The following AADACL4 variants were observed in gnomAD, a reference collection of about 807,000 sequenced individuals.
AADACL4 encodes arylacetamide deacetylase-like 4.
AADACL4 carries 9 observed loss-of-function variants against 14.1 expected under a neutral mutation model. The ratio of observed to expected loss-of-function variants is 0.64; its 90% CI spans 0.39 to 1.12. The LOEUF (loss-of-function observed/expected upper bound fraction) is 1.12. AADACL4 is among the 50% of genes most tolerant of loss of function. AADACL4 has a pLI of 0.01. For synonymous variants in AADACL4, 188 were observed against 201.6 expected (o/e 0.93, Z 0.57); for missense variants, 531 against 516.1 (o/e 1.03, Z -0.28).
At chr1:12,646,909 G>A (rs1422713892) in intron 1 of AADACL4, among the ~76,000 whole-genome samples, 1 of 152,108 alleles carries the variant, frequency 6.6e-6, no homozygotes, top group African/African-American at 2.4e-5. Flanking sequence ...CCAGAGGACA[G>A]ATAGACAACA....
In AADACL4 at chr1:12,666,396, G is replaced by T. The variant is rs756400315; in HGVS notation, c.885G>T (p.Lys295Asn). 3 of 1,614,006 alleles carry T rather than the reference G, an allele frequency of 1.9e-6. No homozygotes were observed. The highest frequency in any genetic ancestry group is 1.3e-5 in the African/African-American group (1 of 74,926). Reference sequence around the variant, plus strand: ...CTGACAACATCCCCAAGAAATTTAAGAACAGAGGCTACCAACCCTGGTCTC... The same window carrying T: ...CTGACAACATCCCCAAGAAATTTAATAACAGAGGCTACCAACCCTGGTCTC... ...LSPDNIPKKFKNRGYQPWSPG... is the reference protein window; with the variant it reads ...LSPDNIPKKFNNRGYQPWSPG... Residue 295 changes from lysine to asparagine, a missense_variant, in exon 4 of 4, where the codon AAG becomes AAT. Lys to Asn is a moderately conservative substitution (Grantham distance 94). Coordinates refer to ENST00000376221, the MANE Select transcript of AADACL4 (RefSeq NM_001013630.2).
chr1:12,645,613 G>A (rs1647106737), intron 1 of AADACL4, among the ~76,000 whole-genome samples: 1 of 152,106 alleles, frequency 6.6e-6, no homozygotes, highest in Admixed American at 6.5e-5. Context: ...TGCAATCATG[G>A]CTCAGTGCAG....
In AADACL4 at chr1:12,666,531, C is replaced by T; in HGVS notation, c.1020C>T (p.Phe340=). The change falls in exon 4 of 4, where the codon TTC becomes TTT. Residue 340 remains phenylalanine (F), a synonymous_variant. Coordinates refer to ENST00000376221, the MANE Select transcript of AADACL4 (RefSeq NM_001013630.2). ...TCATCGCTCAGCTTCCTGAGGCCTT[C>T]CTGGTGAGCTGTGAGAATGACATAC... ...DEVIAQLPEA[F]LVSCENDILR... The T allele has an allele frequency of 6.2e-7, 1 of 1,614,196 alleles. No homozygotes were observed. The highest frequency in any genetic ancestry group is 1.1e-5 in the South Asian group (1 of 91,076).
At chr1:12,648,388 C>CCTTCCTTTCTTTCTTT (rs1487579652) in intron 1 of AADACL4, among the ~76,000 whole-genome samples, 4 of 146,752 alleles carry the variant, frequency 2.7e-5, no homozygotes, top group Non-Finnish European at 6.0e-5. Context: ...TTCCTTCCTT[C>CCTTCCTTTCTTTCTTT]CTTTCTTTCC....
At chr1:12,659,763 C>A (rs1389368619) in intron 2 of AADACL4, among the ~76,000 whole-genome samples, 1 of 152,192 alleles carries the variant, frequency 6.6e-6, no homozygotes, top group Non-Finnish European at 1.5e-5. Flanking sequence ...CTGCTTCAGC[C>A]TCCCGAGTAG....
At position 12,666,806 on chromosome 1, in the gene AADACL4, T is replaced by C; in HGVS notation, c.*71T>C. ...ACCAGAAACCGGGTGCTTTAGTGAG[T>C]TCTATTTTATTGACTAAAGAGGTGC... On this transcript the variant is annotated 3_prime_UTR_variant, in exon 4 of 4. Transcript: ENST00000376221. The C allele has an allele frequency of 1.4e-6, 2 of 1,431,594 alleles. No individual in the cohort carries two copies. The highest frequency in any genetic ancestry group is 1.4e-5 in the South Asian group (1 of 73,270). 88.7% of individuals were successfully genotyped at this position (1,431,594 alleles called of 1,614,324 possible). A position where few individuals can be genotyped will look rare whatever the true frequency, so the allele number is the denominator to read the frequency against.
At chr1:12,645,122 CTCCCTCCTTCCTTCCTCCT>C (rs1219011862) in intron 1 of AADACL4, among the ~76,000 whole-genome samples, 6 of 142,906 alleles carry the variant, frequency 4.2e-5, no homozygotes, top group Non-Finnish European at 9.2e-5. Flanking sequence ...CTTTCTCTCC[CTCCCTCCTTCCTTCCTCCT>C]TCCCTCCTTC....
chr1:12,658,108 T>TTTCCTTCCTTCCTTCCTTCC (rs748632129), intron 2 of AADACL4, among the ~76,000 whole-genome samples: 89 of 122,050 alleles, frequency 7.3e-4, no homozygotes, highest in South Asian at 4.0e-3. Context: ...TCTCTCTTTC[T>TTTCCTTCCTTCCTTCCTTCC]TTCCTTCCTT....
chr1:12,665,500 C>T (rs899419286), intron 3 of AADACL4, among the ~76,000 whole-genome samples: 2 of 152,200 alleles, frequency 1.3e-5, no homozygotes, highest in Non-Finnish European at 2.9e-5. Context: ...GCTGGGATTA[C>T]AGGCATGAGT....
intron 2 of AADACL4, among the ~76,000 whole-genome samples, chr1:12,658,337 C>A (rs1241183178): frequency 6.6e-6 from 1 of 151,824 alleles, no homozygotes; most frequent in Non-Finnish European, 1.5e-5. Flanking sequence ...CAGCTCACTG[C>A]AACCTCCACC....
chr1:12,665,029 T>C (rs768171451), intron 3 of AADACL4, among the ~76,000 whole-genome samples: 60 of 152,094 alleles, frequency 3.9e-4, no homozygotes, highest in Non-Finnish European at 7.9e-4. Flanking sequence ...TTTCCGTCTC[T>C]ACATTACACC....
In AADACL4 at chr1:12,664,981, G is replaced by C. The variant is rs568951928; in HGVS notation, c.450-980G>C. 3.9e-5 allele frequency among the ~76,000 whole-genome samples: 6 copies of C among 152,190 alleles called. No homozygotes were observed. The South Asian group carries it at 1.2e-3, about 32-fold the overall frequency. On this transcript the variant is annotated intron_variant, in intron 3 of 3. Coordinates refer to ENST00000376221, the MANE Select transcript of AADACL4 (RefSeq NM_001013630.2). ...GTTCTTCACCAGCTGCTGGCACCCG[G>C]GTCTTCTGCAGCTTGAGCTGTGGGT...
intron 2 of AADACL4, among the ~76,000 whole-genome samples, chr1:12,652,225 C>T (rs888846785): frequency 3.3e-5 from 5 of 152,188 alleles, no homozygotes; most frequent in Non-Finnish European, 7.3e-5. Flanking sequence ...CACAGCCTCA[C>T]CCGGGTCACC....
intron 2 of AADACL4, among the ~76,000 whole-genome samples, chr1:12,659,186 A>C (rs888180406): frequency 2.0e-5 from 3 of 152,198 alleles, no homozygotes; most frequent in Non-Finnish European, 4.4e-5. Context: ...GACGAAGGAC[A>C]GTCTCTAGCT....
At chr1:12,660,286 A>T (rs1482822782) in intron 2 of AADACL4, among the ~76,000 whole-genome samples, 1 of 152,132 alleles carries the variant, frequency 6.6e-6, no homozygotes, top group Non-Finnish European at 1.5e-5. Flanking sequence ...TCAACATACA[A>T]TTTTTTGGCA....
chr1:12,648,360 C>CCTTT (rs1647124790), intron 1 of AADACL4, among the ~76,000 whole-genome samples: 1 of 148,846 alleles, frequency 6.7e-6, no homozygotes, highest in Admixed American at 6.7e-5. Context: ...TTCCTTCCTT[C>CCTTT]CTTCCTTCCT....
chr1:12,664,654 G>T (rs117718243), intron 3 of AADACL4, among the ~76,000 whole-genome samples: 1 of 152,052 alleles, frequency 6.6e-6, no homozygotes, highest in Non-Finnish European at 1.5e-5. Context: ...GCCACCGCCC[G>T]GCCTTGATGT....
rs145452203 is a variant in AADACL4, at chr1:12,644,193, T to C, written c.-354T>C. On this transcript the variant is annotated 5_prime_UTR_variant, in exon 1 of 4. Transcript: ENST00000376221. ...ATCTTACAGTTGAAAGATCAGGCCC[T>C]GGAGGCCTATATAACCCATATGAGA... Among the ~76,000 whole-genome samples, 254 of 152,356 alleles carry C rather than the reference T, an allele frequency of 1.7e-3. 1 individual carries two copies. Among genetic ancestry groups the C allele is most frequent in the South Asian group, 3.1e-3 (15 of 4,832 alleles).
intron 2 of AADACL4, among the ~76,000 whole-genome samples, chr1:12,659,247 C>T (rs1647208259): frequency 1.3e-5 from 2 of 152,200 alleles, no homozygotes; most frequent in Admixed American, 1.3e-4. Flanking sequence ...ATGGACCTGA[C>T]AGTCACCTGA....
Sources: allele counts gnomAD v4.1 joint callset (sites outside exome capture counted in the v4.1 genomes callset), GRCh38; gene constraint gnomAD v4.1.1; transcripts MANE v1.5; gene names NCBI Gene and HGNC (gene_info 2026-07-23, HGNC 2026-07-21).